The following GRIK4 variants were observed in gnomAD, a reference collection of about 807,000 sequenced individuals.
The protein encoded by GRIK4 is glutamate ionotropic receptor kainate type subunit 4.
Under a neutral mutation model 104.9 loss-of-function variants are expected in GRIK4, and 40 were observed. The observed-to-expected ratio is 0.38, with a 90% CI of 0.30 to 0.50. GRIK4 has a LOEUF of 0.50. Ranked by LOEUF, GRIK4 falls within the 20% of genes least tolerant of loss-of-function variation. The pLI, the probability that GRIK4 is intolerant of heterozygous loss-of-function variation, is 0.93. For missense variants in GRIK4, 1,047 were observed against 1,308.1 expected (o/e 0.80, Z 3.08); for synonymous variants, 485 against 524.9 (o/e 0.92, Z 1.04).
chr11:120,735,789 A>T (rs1287044824), intron 3 of GRIK4, among the ~76,000 whole-genome samples: 1 of 152,078 alleles, frequency 6.6e-6, no homozygotes, highest in Non-Finnish European at 1.5e-5. Context: ...CCACAGGCAG[A>T]GGAGCCTTTC....
At chr11:120,926,142 GA>G (rs1292341855) in intron 13 of GRIK4, among the ~76,000 whole-genome samples, 4 of 152,262 alleles carry the variant, frequency 2.6e-5, no homozygotes, top group Admixed American at 2.0e-4. Context: ...GTGAGGAAGT[GA>G]AACTTAGGCC....
chr11:120,656,581 C>G (rs1949713110), intron 2 of GRIK4, among the ~76,000 whole-genome samples: 1 of 152,130 alleles, frequency 6.6e-6, no homozygotes. Flanking sequence ...GTAGTCTCGG[C>G]TGGGTGCAGT....
intron 14 of GRIK4, among the ~76,000 whole-genome samples, chr11:120,947,256 G>A (rs948227353): frequency 6.6e-6 from 1 of 152,094 alleles, no homozygotes; most frequent in African/African-American, 2.4e-5. Context: ...ACAAAAATTA[G>A]CCGGGCATGG....
intron 8 of GRIK4, among the ~76,000 whole-genome samples, chr11:120,837,478 C>G (rs1287007283): frequency 1.3e-5 from 2 of 152,170 alleles, no homozygotes; most frequent in African/African-American, 2.4e-5. Flanking sequence ...CATCCAAATA[C>G]CTGCCCCATT....
At chr11:120,678,584 G>A (rs1229057554) in intron 3 of GRIK4, among the ~76,000 whole-genome samples, 1 of 151,696 alleles carries the variant, frequency 6.6e-6, no homozygotes, top group Non-Finnish European at 1.5e-5. Context: ...CTTGGCTGGT[G>A]GTCCTATAGA....
chr11:120,844,882 G>A (rs113443496), intron 8 of GRIK4, among the ~76,000 whole-genome samples: 4 of 152,316 alleles, frequency 2.6e-5, no homozygotes, highest in African/African-American at 7.2e-5. Flanking sequence ...CACCAAGAAT[G>A]ATCACTGAGG....
intron 2 of GRIK4, among the ~76,000 whole-genome samples, chr11:120,656,698 T>TA (rs1949715678): frequency 6.6e-6 from 1 of 152,132 alleles, no homozygotes; most frequent in African/African-American, 2.4e-5. Flanking sequence ...CCATCTCCAC[T>TA]AAAAAATTAG....
rs150664796 is a variant in GRIK4, at chr11:120,580,962, G to A, written c.-159+69075G>A. Among the ~76,000 whole-genome samples the A allele has an allele frequency of 5.2e-3, 793 of 152,088 alleles. 4 individuals carry two copies. Among genetic ancestry groups the A allele is most frequent in the Middle Eastern group, 0.01 (3 of 294 alleles). The stretch of plus-strand genomic sequence containing the variant: ...CAAATCTTAAAAATTTTGTTTCTCC[G>A]TTTTATGAGGCGTATGGTTGTATCT... On this transcript the variant is annotated intron_variant, in intron 1 of 20. Transcript: ENST00000527524.
chr11:120,745,829 A>G (rs1413397752), intron 3 of GRIK4, among the ~76,000 whole-genome samples: 1 of 152,120 alleles, frequency 6.6e-6, no homozygotes, highest in East Asian at 1.9e-4. Context: ...ATTTAGCCTC[A>G]CTCCCACCAT....
intron 3 of GRIK4, among the ~76,000 whole-genome samples, chr11:120,714,846 G>T (rs1349085686): frequency 6.6e-6 from 1 of 152,180 alleles, no homozygotes; most frequent in African/African-American, 2.4e-5. Context: ...GATCATAAAG[G>T]CTCTTAGGAG....
At chr11:120,798,322 C>G (rs1413061148) in intron 3 of GRIK4, among the ~76,000 whole-genome samples, 2 of 151,898 alleles carry the variant, frequency 1.3e-5, no homozygotes, top group South Asian at 2.1e-4. Context: ...CCACACCTGG[C>G]TATTTTTTGT....
rs144559627 is a variant in GRIK4 at position 120,836,588 on chromosome 11, G to A, written c.691-203G>A. Among the ~76,000 whole-genome samples the A allele has an allele frequency of 2.8e-3, 430 of 152,294 alleles. 1 individual carries two copies. Among genetic ancestry groups the A allele is most frequent in the South Asian group, 0.012 (59 of 4,824 alleles). ...GGGTAGGGGGCCAGGCGGAGGTGGA[G>A]AGACCCCGCTCTTGAGACCAGAATT... On this transcript the variant is annotated intron_variant, in intron 7 of 20. Coordinates refer to ENST00000527524, the MANE Select transcript of GRIK4 (RefSeq NM_014619.5).
chr11:120,663,193 C>T (rs77579071), intron 3 of GRIK4, among the ~76,000 whole-genome samples: 7,276 of 152,222 alleles, frequency 0.048, 532 homozygotes, highest in African/African-American at 0.16. Flanking sequence ...CCTGAGGAGA[C>T]CCCACCCCAT....
intron 1 of GRIK4, among the ~76,000 whole-genome samples, chr11:120,645,700 G>C (rs1053376232): frequency 2.0e-5 from 3 of 152,200 alleles, no homozygotes; most frequent in Admixed American, 2.0e-4. Flanking sequence ...GCAGCCAGCT[G>C]TGGTCTGGAA....
At chr11:120,586,952 G>C (rs898459207) in intron 1 of GRIK4, among the ~76,000 whole-genome samples, 1 of 152,190 alleles carries the variant, frequency 6.6e-6, no homozygotes, top group Non-Finnish European at 1.5e-5. Context: ...GGCCTAATCA[G>C]ACCCTGTCAG....
chr11:120,977,008 G>A (rs1591353015), intron 19 of GRIK4, among the ~76,000 whole-genome samples: 1 of 152,200 alleles, frequency 6.6e-6, no homozygotes, highest in Non-Finnish European at 1.5e-5. Context: ...TCTCTTCACA[G>A]GTGCTCTCTT....
In GRIK4 at chr11:120,905,414, G is replaced by T. The variant is rs1483940677; in HGVS notation, c.1397G>T (p.Arg466Leu). 3 of 1,613,996 alleles carry T rather than the reference G, an allele frequency of 1.9e-6. No homozygotes were observed. Among genetic ancestry groups the T allele is most frequent in the Non-Finnish European group, 2.5e-6 (3 of 1,179,896 alleles). ...ATCCTCCGATTCAACTACAAGATCCGCCTGGTTGGGGATGGCGTGTACGGC... is the reference window on the plus strand; with the variant it reads ...ATCCTCCGATTCAACTACAAGATCCTCCTGGTTGGGGATGGCGTGTACGGC... ...AEILRFNYKI[R>L]LVGDGVYGVP... Residue 466 changes from arginine (R) to leucine (L), a missense_variant, in exon 13 of 21, where the codon CGC (arginine) becomes CTC (leucine). Arg to Leu is a moderately radical substitution (Grantham distance 102). This residue lies in a region of GRIK4 where 440 missense variants were observed against 652.3 expected (regional missense o/e 0.67). Transcript: ENST00000527524. The surrounding 1 kb of genome is among the most constrained non-coding windows in gnomAD (Gnocchi z 5.1).
At chr11:120,887,363 A>G (rs1308395550) in intron 11 of GRIK4, among the ~76,000 whole-genome samples, 1 of 152,172 alleles carries the variant, frequency 6.6e-6, no homozygotes, top group Non-Finnish European at 1.5e-5. Flanking sequence ...AGAGTTGCTG[A>G]CACTCACAAA....
intron 3 of GRIK4, among the ~76,000 whole-genome samples, chr11:120,767,362 G>A (rs1951858475): frequency 6.6e-6 from 1 of 152,106 alleles, no homozygotes; most frequent in Non-Finnish European, 1.5e-5. Context: ...AGAACCATCT[G>A]TTTGGTCCTT....
Sources: allele counts gnomAD v4.1 joint callset (sites outside exome capture counted in the v4.1 genomes callset), GRCh38; gene constraint gnomAD v4.1.1; regional missense constraint gnomAD v4.1.1; non-coding constraint Gnocchi (gnomAD v3.1); transcripts MANE v1.5; gene names NCBI Gene and HGNC (gene_info 2026-07-23, HGNC 2026-07-21).